Variants in PCDH15 observed in about 807,000 individuals in gnomAD.
PCDH15 encodes protocadherin-15.
Under a neutral mutation model 178.5 loss-of-function variants are expected in PCDH15, and 129 were observed. That is an observed-to-expected ratio of 0.72 (90% CI 0.63 to 0.84). The LOEUF (loss-of-function observed/expected upper bound fraction) is 0.84, where lower values mean the gene tolerates loss of function less well. PCDH15 is among the 40% of genes least tolerant of loss of function. PCDH15 has a pLI of 0.00. For missense variants in PCDH15, 2,230 were observed against 2,099.9 expected (o/e 1.06, Z -1.21); for synonymous variants, 800 against 732.0 (o/e 1.09, Z -1.50).
At chr10:54,079,032 A>G (rs2094392120) in intron 17 of PCDH15, among the ~76,000 whole-genome samples, 1 of 152,172 alleles carries the variant, frequency 6.6e-6, no homozygotes, top group South Asian at 2.1e-4. Context: ...GTGCAGTGCA[A>G]ATGACAGACA....
chr10:54,180,735 C>T (rs555903454), intron 13 of PCDH15, among the ~76,000 whole-genome samples: 3 of 152,186 alleles, frequency 2.0e-5, no homozygotes, highest in East Asian at 1.9e-4. Flanking sequence ...TGTTTTATAG[C>T]GAGACCATTC....
chr10:54,589,270 A>T (rs2091722069), intron 2 of PCDH15, among the ~76,000 whole-genome samples: 1 of 152,142 alleles, frequency 6.6e-6, no homozygotes, highest in Non-Finnish European at 1.5e-5. Flanking sequence ...ATCAAACACA[A>T]CAAATATTCT....
chr10:54,872,037 G>A (rs1954049362), intron 3 of PCDH15, among the ~76,000 whole-genome samples: 1 of 152,032 alleles, frequency 6.6e-6, no homozygotes. Context: ...ACTCAATCCA[G>A]TGAAATATAA....
At chr10:54,652,534 C>T (rs557551198) in intron 2 of PCDH15, among the ~76,000 whole-genome samples, 9 of 152,284 alleles carry the variant, frequency 5.9e-5, no homozygotes, top group Admixed American at 1.3e-4. Context: ...ATATATTCAA[C>T]CTCTATCCCC....
chr10:54,929,793 G>C (rs11004639), intron 2 of PCDH15, among the ~76,000 whole-genome samples: 2 of 152,200 alleles, frequency 1.3e-5, no homozygotes, highest in Non-Finnish European at 2.9e-5. Flanking sequence ...AGCTGGAGCT[G>C]TGTGAGGAAT....
At chr10:54,048,838 G>A (rs1283911225) in intron 18 of PCDH15, among the ~76,000 whole-genome samples, 3 of 151,432 alleles carry the variant, frequency 2.0e-5, no homozygotes, top group Non-Finnish European at 2.9e-5. Context: ...AGATCGCTTT[G>A]GCTATTCAGG....
intron 3 of PCDH15, among the ~76,000 whole-genome samples, chr10:54,461,272 C>T (rs1280242864): frequency 3.9e-5 from 6 of 152,090 alleles, no homozygotes; most frequent in South Asian, 4.1e-4. Context: ...TAGGTTCAAC[C>T]TAATTAACTC....
rs184682016 is a variant in PCDH15 at position 55,608,439 on chromosome 10, C to G, written c.-156+19186G>C. On this transcript the variant is annotated intron_variant, in intron 2 of 5. Coordinates refer to the PCDH15 transcript ENST00000613346. ...CTCCTTTAACACATTTTCTGTACTT[C>G]ATTGGGTAGGACAGAAAATGTGTTA... 3.1e-3 allele frequency among the ~76,000 whole-genome samples: 465 copies of G among 151,604 alleles called. 4 individuals carry two copies. The highest frequency in any genetic ancestry group is 4.9e-3 in the Non-Finnish European group (330 of 67,776).
At chr10:54,181,042 T>TA (rs1366672527) in intron 13 of PCDH15, among the ~76,000 whole-genome samples, 2 of 152,316 alleles carry the variant, frequency 1.3e-5, no homozygotes, top group African/African-American at 4.8e-5. Context: ...TTTTCTTACT[T>TA]ACACTTTGTA....
At position 54,252,267 on chromosome 10, in the gene PCDH15, G is replaced by A. The variant is rs555513840; in HGVS notation, c.877-15336C>T. 4.6e-5 allele frequency among the ~76,000 whole-genome samples: 7 copies of A among 152,148 alleles called. No homozygotes were observed. In the South Asian group the frequency reaches 1.5e-3, roughly 32 times the overall value. On this transcript the variant is annotated intron_variant, in intron 8 of 37. Transcript: ENST00000644397. ...CTGTCTCCACAAGTACATCAATAGGGCCATGAGTAAAACTAATGCAGATAC... is the reference window on the plus strand; with the variant it reads ...CTGTCTCCACAAGTACATCAATAGGACCATGAGTAAAACTAATGCAGATAC...
chr10:55,580,840 T>C (rs1268258561), intron 2 of PCDH15, among the ~76,000 whole-genome samples: 2 of 152,164 alleles, frequency 1.3e-5, no homozygotes, highest in Non-Finnish European at 2.9e-5. Context: ...CTGAGGAATG[T>C]TGTACTGGAA....
intron 18 of PCDH15, among the ~76,000 whole-genome samples, chr10:54,047,982 T>C (rs2093689796): frequency 6.6e-6 from 1 of 152,102 alleles, no homozygotes; most frequent in African/African-American, 2.4e-5. Flanking sequence ...GTTCAGCCAC[T>C]GCAGAAAGCA....
At position 53,938,838 on chromosome 10, in the gene PCDH15, G is replaced by A. The variant is rs2085801192; in HGVS notation, c.3350C>T (p.Ala1117Val). 9.9e-6 allele frequency: 16 copies of A among 1,613,360 alleles called. No individual in the cohort carries two copies. Among genetic ancestry groups the A allele is most frequent in the Non-Finnish European group, 1.3e-5 (15 of 1,179,588 alleles). ...VQADSLEVVL[A>V]NLRVPSKSNT... is the part of the protein sequence containing the mutation. ...ACTTTTTGAAGGAACTCGGAGATTG[G>A]CAAGGACCACTTCCAGGGAATCAGC... The change falls in exon 25 of 38, where the codon GCC (alanine) becomes GTC (valine). Residue 1117 changes from alanine (A) to valine (V), a missense_variant. Ala to Val is a moderately conservative substitution (Grantham distance 64, BLOSUM62 0). Transcript: ENST00000644397.
At chr10:54,372,505 G>A (rs954256433) in intron 4 of PCDH15, among the ~76,000 whole-genome samples, 1 of 151,802 alleles carries the variant, frequency 6.6e-6, no homozygotes, top group East Asian at 1.9e-4. Context: ...AACACACAAT[G>A]TAATTTTGTA....
At chr10:53,835,468 C>T (rs1219729702) in intron 29 of PCDH15, among the ~76,000 whole-genome samples, 1 of 151,770 alleles carries the variant, frequency 6.6e-6, no homozygotes, top group Non-Finnish European at 1.5e-5. Flanking sequence ...AACAAAATGA[C>T]AAAAAAGTGC....
intron 1 of PCDH15, among the ~76,000 whole-genome samples, chr10:55,272,522 C>T (rs911929123): frequency 2.6e-5 from 4 of 151,654 alleles, no homozygotes; most frequent in South Asian, 2.1e-4. Context: ...CTCCTGCCTA[C>T]GGACACACAC....
At chr10:55,014,776 CTGAG>C (rs1282322757) in intron 2 of PCDH15, among the ~76,000 whole-genome samples, 1 of 152,148 alleles carries the variant, frequency 6.6e-6, no homozygotes, top group Non-Finnish European at 1.5e-5. Flanking sequence ...TATTTAATAA[CTGAG>C]TAACTGTAAA....
Position 54,615,919 on chromosome 10 carries a change from G to A in PCDH15, c.91+48253C>T, listed in dbSNP as rs147056254. Among the ~76,000 whole-genome samples the A allele has an allele frequency of 8.8e-3, 1,338 of 152,086 alleles. 21 individuals are homozygous for A. Among genetic ancestry groups the A allele is most frequent in the African/African-American group, 0.031 (1,280 of 41,516 alleles). On this transcript the variant is annotated intron_variant, in intron 2 of 37. Transcript: ENST00000644397. ...CGATGGATACTTAGTCTTAATGTCA[G>A]TGGCATCACAGGGATTGGTACAGAC...
intron 3 of PCDH15, among the ~76,000 whole-genome samples, chr10:54,415,479 T>C (rs1269849175): frequency 1.3e-5 from 2 of 152,036 alleles, no homozygotes; most frequent in African/African-American, 4.8e-5. Flanking sequence ...AGAAAATAAA[T>C]ATTCCATGTT....
Sources: allele counts gnomAD v4.1 joint callset (sites outside exome capture counted in the v4.1 genomes callset), GRCh38; gene constraint gnomAD v4.1.1; transcripts MANE v1.5; gene names NCBI Gene and HGNC (gene_info 2026-07-23, HGNC 2026-07-21).